SLC30A8: variants seen among roughly 807,000 people sequenced by gnomAD.
SLC30A8 encodes solute carrier family 30 member 8.
In SLC30A8, 27 loss-of-function variants were observed where a neutral mutation model predicts 36.9. The ratio of observed to expected loss-of-function variants is 0.73; its 90% confidence interval spans 0.54 to 1.01. SLC30A8 has a LOEUF of 1.01. Among genes scored for constraint, SLC30A8 ranks in the 50% least tolerant of loss-of-function variants. The pLI is 0.00. For missense variants in SLC30A8, 439 were observed against 452.0 expected, an observed-to-expected ratio of 0.97 and a Z score of 0.26; for synonymous variants, 164 against 172.4, an observed-to-expected ratio of 0.95 and a Z score of 0.38.
intron 2 of SLC30A8, among the ~76,000 whole-genome samples, chr8:117,114,756 C>T (rs1206450442): frequency 6.6e-6 from 1 of 152,040 alleles, no homozygotes; most frequent in Non-Finnish European, 1.5e-5. Flanking sequence ...ATAAAATATT[C>T]CATAGCAGTG....
intron 1 of SLC30A8, among the ~76,000 whole-genome samples, chr8:117,137,828 T>G (rs892721838): frequency 4.6e-5 from 7 of 151,940 alleles, no homozygotes; most frequent in Admixed American, 6.6e-5. Context: ...ATTTATGGGT[T>G]AAAGCAAGTC....
intron 4 of SLC30A8, among the ~76,000 whole-genome samples, chr8:117,161,011 T>C (rs1156391687): frequency 6.6e-6 from 1 of 151,972 alleles, no homozygotes; most frequent in Non-Finnish European, 1.5e-5. Flanking sequence ...CTTAAAGTTA[T>C]AGATAAACAG....
At chr8:117,101,321 A>T (rs1457249968) in intron 2 of SLC30A8, among the ~76,000 whole-genome samples, 1 of 152,138 alleles carries the variant, frequency 6.6e-6, no homozygotes. Flanking sequence ...ATAATTTTGG[A>T]GTCGTTGGAC....
intron 1 of SLC30A8, among the ~76,000 whole-genome samples, chr8:117,137,250 T>G (rs1409219371): frequency 6.6e-6 from 1 of 152,016 alleles, no homozygotes; most frequent in African/African-American, 2.4e-5. Flanking sequence ...CTATCTCATT[T>G]ATTTTGTTCT....
chr8:117,011,638 G>A (rs1816347173), intron 1 of SLC30A8, among the ~76,000 whole-genome samples: 1 of 152,172 alleles, frequency 6.6e-6, no homozygotes, highest in Admixed American at 6.5e-5. Context: ...CTTGGGCACT[G>A]CCAAAAATAT....
intron 1 of SLC30A8, among the ~76,000 whole-genome samples, chr8:117,036,739 G>A (rs895412300): frequency 5.9e-5 from 9 of 152,100 alleles, no homozygotes; most frequent in South Asian, 2.1e-4. Flanking sequence ...ACCTCCCACC[G>A]GGTCCCTCTC....
chr8:116,968,439 A>T (rs542984658), intron 1 of SLC30A8, among the ~76,000 whole-genome samples: 41 of 151,468 alleles, frequency 2.7e-4, no homozygotes, highest in African/African-American at 8.9e-4. Flanking sequence ...TGTGAGTCAG[A>T]TGGAGCAGCA....
intron 1 of SLC30A8, among the ~76,000 whole-genome samples, chr8:116,999,354 AG>A (rs1231480706): frequency 1.3e-5 from 2 of 152,186 alleles, no homozygotes; most frequent in African/African-American, 4.8e-5. Flanking sequence ...AGGCATGTAA[AG>A]GCAACGATAG....
intron 2 of SLC30A8, among the ~76,000 whole-genome samples, chr8:117,057,747 A>G (rs1422956037): frequency 6.6e-6 from 1 of 152,178 alleles, no homozygotes; most frequent in Non-Finnish European, 1.5e-5. Context: ...ATAGGCATAT[A>G]TACAACACAC....
At chr8:117,114,607 T>C (rs1820364765) in intron 2 of SLC30A8, among the ~76,000 whole-genome samples, 1 of 152,058 alleles carries the variant, frequency 6.6e-6, no homozygotes, top group Non-Finnish European at 1.5e-5. Flanking sequence ...GGCTGTTAAG[T>C]AAGCCAAAGG....
chr8:117,119,585 C>T (rs1820600167), intron 2 of SLC30A8, among the ~76,000 whole-genome samples: 1 of 151,910 alleles, frequency 6.6e-6, no homozygotes, highest in Admixed American at 6.6e-5. Context: ...CCCCACCTTA[C>T]TCCCATATCA....
intron 6 of SLC30A8, among the ~76,000 whole-genome samples, chr8:117,170,060 G>A (rs1823293065): frequency 6.6e-6 from 1 of 152,120 alleles, no homozygotes; most frequent in African/African-American, 2.4e-5. Context: ...CATGAATGTT[G>A]GTGCAGTGGT....
chr8:117,007,679 A>G (rs987885249), intron 1 of SLC30A8, among the ~76,000 whole-genome samples: 3 of 152,196 alleles, frequency 2.0e-5, no homozygotes, highest in African/African-American at 7.2e-5. Flanking sequence ...TTTGACCCTC[A>G]CAACAACTCT....
chr8:117,126,843 CAG>C (rs1820927281), intron 2 of SLC30A8, among the ~76,000 whole-genome samples: 2 of 152,026 alleles, frequency 1.3e-5, no homozygotes, highest in South Asian at 2.1e-4. Flanking sequence ...GTGCTTCTCA[CAG>C]GGGGATCTAA....
intron 2 of SLC30A8, among the ~76,000 whole-genome samples, chr8:117,054,098 C>CTTTTTTTTTTTTTTT (rs4060800): frequency 1.6e-5 from 2 of 124,154 alleles, no homozygotes; most frequent in Non-Finnish European, 3.4e-5. Flanking sequence ...CTGCAAAAAT[C>CTTTTTTTTTTTTTTT]TTTTTTTTTT....
chr8:116,999,146 C>G (rs1334619136), intron 1 of SLC30A8, among the ~76,000 whole-genome samples: 1 of 152,130 alleles, frequency 6.6e-6, no homozygotes, highest in Non-Finnish European at 1.5e-5. Context: ...GTAATCCCAG[C>G]TACTCAGGAG....
At chr8:117,145,943 T>C (rs914162955) in intron 1 of SLC30A8, among the ~76,000 whole-genome samples, 1 of 152,150 alleles carries the variant, frequency 6.6e-6, no homozygotes, top group South Asian at 2.1e-4. Context: ...GAGAGTAGAT[T>C]GGTGGTTACA....
intron 1 of SLC30A8, among the ~76,000 whole-genome samples, chr8:116,969,646 T>A (rs1814725322): frequency 6.6e-6 from 1 of 152,186 alleles, no homozygotes; most frequent in Non-Finnish European, 1.5e-5. Flanking sequence ...GGTTGTATGG[T>A]ATAGACTATC....
chr8:117,037,669 T>G lies in SLC30A8; in HGVS notation c.-265-1550T>G, dbSNP rs539721606. 3.9e-5 allele frequency among the ~76,000 whole-genome samples: 6 copies of G among 152,166 alleles called. No homozygotes were observed. In the East Asian group the frequency reaches 1.2e-3, roughly 29 times the overall value. On this transcript the variant is annotated intron_variant, in intron 1 of 10. Transcript: ENST00000427715. ...TGGATACAGCTGGAGGAATAGGGGT[T>G]AAAAAGAAAATAAAATAAAAACACC...
Sources: allele counts gnomAD v4.1 joint callset (sites outside exome capture counted in the v4.1 genomes callset), GRCh38; gene constraint gnomAD v4.1.1; transcripts MANE v1.5; gene names NCBI Gene and HGNC (gene_info 2026-07-23, HGNC 2026-07-21).